The following DCC variants were observed in gnomAD, a reference collection of about 807,000 sequenced individuals.
DCC encodes netrin receptor DCC.
DCC carries 58 observed loss-of-function variants against 172.5 expected under a neutral mutation model. The observed-to-expected ratio is 0.34, with a 90% CI of 0.27 to 0.42. The LOEUF (loss-of-function observed/expected upper bound fraction) is 0.42, where lower values mean the gene tolerates loss of function less well. Among genes scored for constraint, DCC ranks in the 10% least tolerant of loss-of-function variants. DCC has a pLI of 1.00. For synonymous variants in DCC, 709 were observed against 644.5 expected, an observed-to-expected ratio of 1.10 and a Z score of -1.52; for missense variants, 1,740 against 1,791.0, an observed-to-expected ratio of 0.97 and a Z score of 0.51.
chr18:52,894,407 AC>A (rs2039697953), intron 2 of DCC, among the ~76,000 whole-genome samples: 1 of 151,554 alleles, frequency 6.6e-6, no homozygotes, highest in South Asian at 2.1e-4. Context: ...ACACACACAC[AC>A]ACACACACAC....
At chr18:53,437,428 A>AAATTAGCCAGGAGTGGTGGCACGCACCT (rs1912014870) in intron 22 of DCC, among the ~76,000 whole-genome samples, 2 of 151,710 alleles carry the variant, frequency 1.3e-5, no homozygotes, top group Admixed American at 6.6e-5. Context: ...AAAACACAAA[A>AAATTAGCCAGGAGTGGTGGCACGCACCT]AATTAGCCAG....
chr18:52,780,241 C>T (rs74406804), intron 2 of DCC, among the ~76,000 whole-genome samples: 8,037 of 152,120 alleles, frequency 0.053, 284 homozygotes, highest in South Asian at 0.16. Flanking sequence ...TACAAATTGA[C>T]ACAACCCAGG....
intron 7 of DCC, among the ~76,000 whole-genome samples, chr18:53,135,787 G>T (rs2043732204): frequency 6.6e-6 from 1 of 152,100 alleles, no homozygotes; most frequent in Admixed American, 6.6e-5. Flanking sequence ...ATTTGAGAGT[G>T]ATTGAATCAC....
At chr18:52,802,488 T>A (rs1372972923) in intron 2 of DCC, among the ~76,000 whole-genome samples, 2 of 151,374 alleles carry the variant, frequency 1.3e-5, no homozygotes, top group East Asian at 3.9e-4. Flanking sequence ...CAATTTTTTT[T>A]TTTTGAGACA....
At position 53,450,580 on chromosome 18, in the gene DCC, G is replaced by A. The variant is rs2045397181; in HGVS notation, c.3310G>A (p.Val1104Ile). Reference protein sequence around the residue: ...KNSNLLVIIVVTVGVITVLVV... With the variant: ...KNSNLLVIIVITVGVITVLVV... ...CAGCAACCTGCTTGTGATCATTGTG[G>A]TCACCGTTGGTGTCATCACAGTGCT... is the stretch of plus-strand genomic sequence containing the variant. The change falls in exon 23 of 29, where the codon GTC (valine) becomes ATC (isoleucine). Residue 1104 changes from valine (V) to isoleucine (I), a missense_variant. Physicochemically the swap from Val to Ile is conservative, Grantham distance 29. Coordinates refer to ENST00000442544, the MANE Select transcript of DCC (RefSeq NM_005215.4). 2.5e-6 allele frequency: 4 copies of A among 1,611,610 alleles called. No homozygotes were observed. Among genetic ancestry groups the A allele is most frequent in the Admixed American group, 3.3e-5 (2 of 59,816 alleles).
At chr18:52,736,856 C>T (rs2145104672) in intron 1 of DCC, among the ~76,000 whole-genome samples, 1 of 152,178 alleles carries the variant, frequency 6.6e-6, no homozygotes, top group East Asian at 1.9e-4. Context: ...TCTGGGGTCA[C>T]ATGTTGATGA....
chr18:52,978,705 A>G (rs1467074965), intron 5 of DCC, among the ~76,000 whole-genome samples: 1 of 152,170 alleles, frequency 6.6e-6, no homozygotes, highest in African/African-American at 2.4e-5. Flanking sequence ...TGTTAGGACA[A>G]AGAACGAGGA....
intron 5 of DCC, among the ~76,000 whole-genome samples, chr18:52,938,202 A>C (rs1437502181): frequency 2.0e-5 from 3 of 152,172 alleles, no homozygotes; most frequent in Non-Finnish European, 4.4e-5. Context: ...GAAAAACTCA[A>C]GGTGGAGGAA....
intron 5 of DCC, among the ~76,000 whole-genome samples, chr18:52,927,176 T>TATATAC (rs2040230364): frequency 2.2e-5 from 3 of 133,494 alleles, no homozygotes; most frequent in African/African-American, 8.9e-5. Context: ...TGTGTATATA[T>TATATAC]GTGTATATAT....
intron 2 of DCC, among the ~76,000 whole-genome samples, chr18:52,893,221 G>A (rs73458945): frequency 0.047 from 7,139 of 151,720 alleles, 229 homozygotes; most frequent in South Asian, 0.14. Flanking sequence ...ACATGTCTTT[G>A]GCAGGAAAAA....
chr18:52,667,668 A>G (rs192745709), intron 1 of DCC, among the ~76,000 whole-genome samples: 28 of 152,354 alleles, frequency 1.8e-4, no homozygotes, highest in Non-Finnish European at 3.2e-4. Flanking sequence ...CACGCTCTGC[A>G]TAACAGCCCC....
At chr18:52,907,295 T>TATGTC (rs2039899423) in intron 3 of DCC, among the ~76,000 whole-genome samples, 1 of 103,424 alleles carries the variant, frequency 9.7e-6, no homozygotes, top group Non-Finnish European at 2.0e-5. Flanking sequence ...GATATATACA[T>TATGTC]ATGGATATAT....
chr18:52,513,108 G>A (rs554323029), intron 1 of DCC, among the ~76,000 whole-genome samples: 2 of 152,290 alleles, frequency 1.3e-5, no homozygotes, highest in Admixed American at 1.3e-4. Context: ...ATGGGGGCAG[G>A]AAAACCAGTG....
intron 12 of DCC, among the ~76,000 whole-genome samples, chr18:53,258,108 C>A (rs921535967): frequency 1.3e-5 from 2 of 152,028 alleles, no homozygotes; most frequent in African/African-American, 2.4e-5. Flanking sequence ...CTGTTTTCTT[C>A]TTTATTAGTC....
chr18:52,711,507 T>A (rs975210093), intron 1 of DCC, among the ~76,000 whole-genome samples: 3 of 152,228 alleles, frequency 2.0e-5, no homozygotes, highest in African/African-American at 7.2e-5. Flanking sequence ...AATGAATTCA[T>A]TACAAATCTA....
intron 2 of DCC, among the ~76,000 whole-genome samples, chr18:52,760,551 C>A (rs141637137): frequency 6.6e-6 from 1 of 152,266 alleles, no homozygotes; most frequent in East Asian, 1.9e-4. Flanking sequence ...TTTGGTGTAG[C>A]ATGTCCTGCA....
rs577491629 is a variant in DCC, at chr18:52,761,900, C to T, written c.412+9526C>T. ...GTCTGGCCTGGGTGAAAGAGTGAGA[C>T]TCTGTCTCAAAAAAAAAAAAAAAAA... On this transcript the variant is annotated intron_variant, in intron 2 of 28. Transcript: ENST00000442544. 2.4e-5 allele frequency among the ~76,000 whole-genome samples: 3 copies of T among 122,822 alleles called. No individual in the cohort carries two copies. In the South Asian group the frequency reaches 7.4e-4, roughly 30 times the overall value. 80.6% of individuals were successfully genotyped at this position (122,822 alleles called of 152,430 possible).
Position 53,530,657 on chromosome 18 carries a change from G to A in DCC, c.*4G>A. 2 of 1,527,012 alleles carry A rather than the reference G, an allele frequency of 1.3e-6. No individual in the cohort carries two copies. Among genetic ancestry groups the A allele is most frequent in the African/African-American group, 1.4e-5 (1 of 73,338 alleles). 94.6% of individuals were successfully genotyped at this position (1,527,012 alleles called of 1,614,324 possible). On this transcript the variant is annotated 3_prime_UTR_variant, in exon 29 of 29. Coordinates refer to ENST00000442544, the MANE Select transcript of DCC (RefSeq NM_005215.4). ...CATCACAGGCTCAGCCTTTTAACAT[G>A]TATTTCTGAATGGATGAGGTGAATT...
Position 52,788,661 on chromosome 18 carries a change from G to A in DCC, c.412+36287G>A, listed in dbSNP as rs560675431. Among the ~76,000 whole-genome samples, 12 of 152,276 alleles carry A rather than the reference G, an allele frequency of 7.9e-5. No individual in the cohort carries two copies. The East Asian group carries it at 2.3e-3, about 29-fold the overall frequency. On this transcript the variant is annotated intron_variant, in intron 2 of 28. Transcript: ENST00000442544. The stretch of plus-strand genomic sequence containing the variant: ...CGCATAACACATATATAGCAACACA[G>A]AATTCAGAACTAGTATGATTTTTCA...
Sources: allele counts gnomAD v4.1 joint callset (sites outside exome capture counted in the v4.1 genomes callset), GRCh38; gene constraint gnomAD v4.1.1; transcripts MANE v1.5; gene names NCBI Gene and HGNC (gene_info 2026-07-23, HGNC 2026-07-21).